CBLB: variants seen among roughly 807,000 people sequenced by gnomAD.
CBLB encodes the protein E3 ubiquitin-protein ligase CBL-B.
CBLB carries 31 observed loss-of-function variants against 104.9 expected under a neutral mutation model. That is an observed-to-expected ratio of 0.30 (90% confidence interval 0.22 to 0.40). CBLB has a LOEUF of 0.40. Ranked by LOEUF, CBLB falls within the 10% of genes least tolerant of loss-of-function variation. The pLI, the probability that CBLB is intolerant of heterozygous loss-of-function variation, is 1.00. For missense variants in CBLB, 1,062 were observed against 1,214.6 expected (o/e 0.87, Z 1.87); for synonymous variants, 440 against 422.6 (o/e 1.04, Z -0.51).
At chr3:105,770,650 T>C (rs1373782828) in intron 4 of CBLB, among the ~76,000 whole-genome samples, 1 of 151,994 alleles carries the variant, frequency 6.6e-6, no homozygotes, top group African/African-American at 2.4e-5. Context: ...GACAGGAGCA[T>C]AGGAGCTGGG....
upstream of CBLB, chr3:105,869,145 G>GCCCGGCCTCCTCGCGCTGCCGC: frequency 1.4e-6 from 1 of 690,492 alleles, no homozygotes; most frequent in African/African-American, 2.0e-5. Context: ...GACGGGAGGC[G>GCCCGGCCTCCTCGCGCTGCCGC]CCCGTCCTCC....
At position 105,797,793 on chromosome 3, in the gene CBLB, G is replaced by T. The variant is rs141701468; in HGVS notation, c.420-21251C>A. On this transcript the variant is annotated intron_variant, in intron 3 of 18. Coordinates refer to ENST00000394030, the MANE Select transcript of CBLB (RefSeq NM_170662.5). Reference sequence around the variant, plus strand: ...ATTTGTAATGTGATTCAGACATCAGGGCAATTTGCTTTTCATGGGTGTGAA... The same window carrying T: ...ATTTGTAATGTGATTCAGACATCAGTGCAATTTGCTTTTCATGGGTGTGAA... Among the ~76,000 whole-genome samples, 45 of 152,260 alleles carry T rather than the reference G, an allele frequency of 3.0e-4. No individual in the cohort carries two copies. The East Asian group carries it at 6.8e-3, about 23-fold the overall frequency.
chr3:105,758,903 A>G (rs1253825829), intron 4 of CBLB, among the ~76,000 whole-genome samples: 1 of 152,214 alleles, frequency 6.6e-6, no homozygotes, highest in African/African-American at 2.4e-5. Flanking sequence ...GGGCTCCCCA[A>G]AGGGCCACAG....
At chr3:105,775,306 T>C (rs1448629258) in intron 4 of CBLB, among the ~76,000 whole-genome samples, 1 of 152,154 alleles carries the variant, frequency 6.6e-6, no homozygotes, top group Non-Finnish European at 1.5e-5. Context: ...CATTACTCTA[T>C]GTAGGTATAT....
chr3:105,848,844 A>C (rs927059210), intron 3 of CBLB, among the ~76,000 whole-genome samples: 1 of 152,168 alleles, frequency 6.6e-6, no homozygotes, highest in Admixed American at 6.6e-5. Context: ...TAATATTCCC[A>C]GTAACCAGCG....
intron 7 of CBLB, among the ~76,000 whole-genome samples, chr3:105,738,256 G>A (rs2075164764): frequency 1.3e-5 from 2 of 151,982 alleles, no homozygotes; most frequent in Non-Finnish European, 2.9e-5. Flanking sequence ...CCTCGAATGA[G>A]GAGTCTACAA....
chr3:105,808,272 A>AT (rs1272010728), intron 3 of CBLB, among the ~76,000 whole-genome samples: 11 of 152,236 alleles, frequency 7.2e-5, no homozygotes, highest in African/African-American at 2.7e-4. Flanking sequence ...AAGAAAATTT[A>AT]TTTTTAAAAA....
intron 3 of CBLB, among the ~76,000 whole-genome samples, chr3:105,834,965 C>A (rs115747626): frequency 6.6e-6 from 1 of 152,186 alleles, no homozygotes; most frequent in South Asian, 2.1e-4. Flanking sequence ...GTTATCACAA[C>A]GCTGACAAGG....
intron 18 of CBLB, among the ~76,000 whole-genome samples, chr3:105,664,669 A>G (rs900171094): frequency 6.6e-6 from 1 of 152,214 alleles, no homozygotes; most frequent in Non-Finnish European, 1.5e-5. Context: ...TGATACTCTT[A>G]AAGGCCTCAG....
In CBLB at chr3:105,720,135, T is replaced by A. The variant is rs771062385; in HGVS notation, c.1319A>T (p.Asp440Val). ...DEGSRCCSII[D>V]PFGMPMLDLD... ...GTCTAGCATCGGCATGCCAAAGGGG[T>A]CAATGATGCTGCAACACCTGGAGCC... The change falls in exon 10 of 19, where the codon GAC (aspartate) becomes GTC (valine). Residue 440 changes from aspartate to valine, a missense_variant. Asp to Val is a radical substitution (Grantham distance 152). This residue lies in a region of CBLB where 457 missense variants were observed against 632.0 expected (regional missense o/e 0.72). Transcript: ENST00000394030. 6.2e-7 allele frequency: 1 copy of A among 1,613,742 alleles called. No homozygotes were observed. Among genetic ancestry groups the A allele is most frequent in the Admixed American group, 1.7e-5 (1 of 59,960 alleles).
chr3:105,773,689 G>C (rs561700945), intron 4 of CBLB, among the ~76,000 whole-genome samples: 20 of 152,260 alleles, frequency 1.3e-4, no homozygotes, highest in African/African-American at 4.6e-4. Context: ...TGAAGATTCA[G>C]TTTAGTATTG....
chr3:105,852,205 A>G (rs1429923600), intron 3 of CBLB, among the ~76,000 whole-genome samples: 2 of 152,158 alleles, frequency 1.3e-5, no homozygotes, highest in African/African-American at 2.4e-5. Context: ...TGATAGCTCC[A>G]TGCATGTTAT....
chr3:105,787,124 G>A (rs2081122648), intron 3 of CBLB, among the ~76,000 whole-genome samples: 1 of 152,158 alleles, frequency 6.6e-6, no homozygotes, highest in African/African-American at 2.4e-5. Flanking sequence ...GTTCTCAGCA[G>A]TACAATTTCC....
At chr3:105,697,012 T>G (rs1288845211) in intron 12 of CBLB, among the ~76,000 whole-genome samples, 1 of 151,936 alleles carries the variant, frequency 6.6e-6, no homozygotes, top group Non-Finnish European at 1.5e-5. Flanking sequence ...CAGTCCTGCA[T>G]CTTGGAATTT....
At chr3:105,767,499 T>TTTCA (rs1016290031) in intron 4 of CBLB, among the ~76,000 whole-genome samples, 3 of 151,934 alleles carry the variant, frequency 2.0e-5, no homozygotes, top group African/African-American at 7.2e-5. Context: ...AGTTTCTTAT[T>TTTCA]TTCAATTCTA....
Position 105,704,887 on chromosome 3 carries a change from G to A in CBLB, c.1408-714C>T, listed in dbSNP as rs553228869. Among the ~76,000 whole-genome samples the A allele has an allele frequency of 2.6e-5, 4 of 152,098 alleles. No individual in the cohort carries two copies. In the East Asian group the frequency reaches 5.8e-4, roughly 22 times the overall value. On this transcript the variant is annotated intron_variant, in intron 10 of 18. Transcript: ENST00000394030. ...AGCCAGTAAGTATTTCAATTTGTAC[G>A]TAACACTTCCTATTGCATAATGTTG...
intron 9 of CBLB, 89 bp from the exon 10 acceptor site, chr3:105,720,339 C>T (rs2072616537): frequency 1.5e-6 from 2 of 1,305,238 alleles, no homozygotes; most frequent in Admixed American, 2.0e-5. Flanking sequence ...ATAAAAGTCA[C>T]ACCCCCAAAA....
intron 3 of CBLB, among the ~76,000 whole-genome samples, chr3:105,787,546 G>A (rs770479360): frequency 2.0e-5 from 3 of 152,060 alleles, no homozygotes; most frequent in Admixed American, 1.3e-4. Context: ...TAACTCTGGC[G>A]CTAAAATGTC....
At chr3:105,790,813 G>T (rs2081544500) in intron 3 of CBLB, among the ~76,000 whole-genome samples, 1 of 152,146 alleles carries the variant, frequency 6.6e-6, no homozygotes, top group Non-Finnish European at 1.5e-5. Context: ...ACAGACTACA[G>T]GGATAGAAGT....
Sources: gnomAD v4.1 joint callset for allele counts (sites outside exome capture counted in the v4.1 genomes callset) on GRCh38, gnomAD v4.1.1 for gene constraint, gnomAD v4.1.1 regional missense constraint, MANE v1.5 for transcripts, NCBI Gene and HGNC (gene_info 2026-07-23, HGNC 2026-07-21) for gene names.